TEX14: variants seen among roughly 807,000 people sequenced by gnomAD.
TEX14 encodes testis expressed 14, intercellular bridge forming factor.
Under a neutral mutation model 178.6 loss-of-function variants are expected in TEX14, and 168 were observed. The ratio of observed to expected loss-of-function variants is 0.94; its 90% CI spans 0.83 to 1.07. TEX14 has a LOEUF of 1.07. TEX14 is among the 50% of genes least tolerant of loss of function. The probability of loss-of-function intolerance (pLI) is 0.00; values close to 1 mark genes in which losing one functional copy is unlikely to be tolerated. For missense variants in TEX14, 1,730 were observed against 1,753.6 expected (o/e 0.99, Z 0.24); for synonymous variants, 626 against 634.1 (o/e 0.99, Z 0.19).
At chr17:58,648,719 C>G (rs2046769055) in intron 2 of TEX14, among the ~76,000 whole-genome samples, 1 of 150,980 alleles carries the variant, frequency 6.6e-6, no homozygotes, top group Non-Finnish European at 1.5e-5. Context: ...TGAAGGGCCT[C>G]TTGTCTTGAG....
At chr17:58,682,394 A>G (rs1284237627) in intron 1 of TEX14, among the ~76,000 whole-genome samples, 11 of 152,088 alleles carry the variant, frequency 7.2e-5, no homozygotes, top group African/African-American at 2.7e-4. Flanking sequence ...AGTAGCTGGA[A>G]TTACAAGCAC....
chr17:58,602,685 A>C (rs1025118186), intron 11 of TEX14, 95 bp from the exon 12 acceptor site: 13 of 914,318 alleles, frequency 1.4e-5, no homozygotes, highest in Non-Finnish European at 2.1e-5. Context: ...ACCTTAGGCA[A>C]GTCACTTAAC....
chr17:58,582,393 G>A (rs2044842498), intron 19 of TEX14, among the ~76,000 whole-genome samples: 1 of 151,914 alleles, frequency 6.6e-6, no homozygotes, highest in Non-Finnish European at 1.5e-5. Flanking sequence ...CTGAGTAGCT[G>A]GGACTATAGG....
At chr17:58,562,909 A>G (rs113689249) in intron 28 of TEX14, among the ~76,000 whole-genome samples, 28,039 of 151,748 alleles carry the variant, frequency 0.18, 2,768 homozygotes, top group Non-Finnish European at 0.21. Flanking sequence ...CCATCTCTAC[A>G]AAAAATACAA....
At chr17:58,689,249 GTC>G (rs1417093334) in intron 1 of TEX14, among the ~76,000 whole-genome samples, 1 of 150,402 alleles carries the variant, frequency 6.6e-6, no homozygotes, top group Non-Finnish European at 1.5e-5. Context: ...TTTAGAGGGA[GTC>G]TCTCTCTGTT....
At chr17:58,687,765 C>T (rs1357351143) in intron 1 of TEX14, among the ~76,000 whole-genome samples, 1 of 152,158 alleles carries the variant, frequency 6.6e-6, no homozygotes, top group African/African-American at 2.4e-5. Flanking sequence ...GAAAATGTCT[C>T]GTTATTGGAA....
intron 14 of TEX14, among the ~76,000 whole-genome samples, chr17:58,594,550 A>G (rs1234406679): frequency 6.6e-6 from 1 of 151,770 alleles, no homozygotes; most frequent in Non-Finnish European, 1.5e-5. Context: ...ACGTGGTTTC[A>G]CCATGTTGGC....
intron 21 of TEX14, among the ~76,000 whole-genome samples, chr17:58,575,172 T>A (rs2044647174): frequency 6.6e-6 from 1 of 150,466 alleles, no homozygotes. Context: ...TGGAGTGCAA[T>A]GGCGCGATCT....
intron 21 of TEX14, among the ~76,000 whole-genome samples, chr17:58,576,260 T>C (rs767290843): frequency 1.3e-5 from 2 of 152,114 alleles, no homozygotes; most frequent in Non-Finnish European, 2.9e-5. Flanking sequence ...CCGAGGCAGG[T>C]GGATCACCTG....
rs1227721056 is a variant in TEX14 at position 58,599,286 on chromosome 17, CTG to C, written c.2057_2058del (p.Thr686ArgfsTer5). 6.2e-7 allele frequency: 1 copy of C among 1,613,424 alleles called. No individual in the cohort carries two copies. Among genetic ancestry groups the C allele is most frequent in the Admixed American group, 1.7e-5 (1 of 60,004 alleles). ...SEDESSSKAETEYSFDDWDWQ... is the reference protein window; with the variant it reads ...SEDESSSKAEXEYSFDDWDWQ... The stretch of plus-strand genomic sequence containing the variant: ...CAGTCCCAGTCATCAAAAGAGTACT[CTG>C]TCTCAGCTTTTGAAGAGCTCTCATC... On this transcript the variant is annotated frameshift_variant, in exon 14 of 32. Coordinates refer to ENST00000349033, the MANE Select transcript of TEX14 (RefSeq NM_031272.5). LOFTEE classifies it high-confidence loss of function.
At chr17:58,678,186 G>A (rs1321260053) in intron 1 of TEX14, among the ~76,000 whole-genome samples, 1 of 152,102 alleles carries the variant, frequency 6.6e-6, no homozygotes, top group Non-Finnish European at 1.5e-5. Flanking sequence ...AGATGTGATT[G>A]ATTTAAGATG....
intron 1 of TEX14, among the ~76,000 whole-genome samples, chr17:58,683,640 G>A (rs757823704): frequency 5.9e-5 from 9 of 151,564 alleles, no homozygotes; most frequent in East Asian, 1.9e-4. Context: ...GCTCACGCCC[G>A]TAATCCCAGC....
intron 24 of TEX14, 32 bp downstream of exon 24, chr17:58,571,889 A>G (rs2044538517): frequency 6.3e-7 from 1 of 1,599,430 alleles, no homozygotes; most frequent in African/African-American, 1.3e-5. Context: ...GGCTGACTCC[A>G]TGAGTTTGTA....
chr17:58,573,680 G>A (rs1328032941), intron 22 of TEX14, among the ~76,000 whole-genome samples: 1 of 151,924 alleles, frequency 6.6e-6, no homozygotes, highest in East Asian at 1.9e-4. Flanking sequence ...CACCATGCCT[G>A]GCTAATTTTA....
At chr17:58,637,528 C>T (rs76791342) in intron 2 of TEX14, among the ~76,000 whole-genome samples, 2,470 of 152,268 alleles carry the variant, frequency 0.016, 38 homozygotes, top group South Asian at 0.042. Context: ...ATCTACCATA[C>T]CTACGTAATG....
At chr17:58,584,421 TCATAACA>T in intron 19 of TEX14, 72 bp downstream of exon 19, 1 of 1,045,412 alleles carries the variant, frequency 9.6e-7, no homozygotes, top group Admixed American at 1.7e-5. Flanking sequence ...TATTTTGGTG[TCATAACA>T]CATAACAATA....
chr17:58,669,256 G>A (rs1173807906), intron 1 of TEX14, among the ~76,000 whole-genome samples: 3 of 152,028 alleles, frequency 2.0e-5, no homozygotes, highest in South Asian at 2.1e-4. Flanking sequence ...GGAGGCTGAG[G>A]CAGAAGAATG....
At chr17:58,684,862 G>C (rs889801808) in intron 1 of TEX14, among the ~76,000 whole-genome samples, 3 of 151,880 alleles carry the variant, frequency 2.0e-5, no homozygotes, top group Non-Finnish European at 4.4e-5. Flanking sequence ...TGTAATCTCA[G>C]CTACTCAAGA....
chr17:58,607,707 G>T (rs1194647311), intron 10 of TEX14, among the ~76,000 whole-genome samples: 1 of 152,204 alleles, frequency 6.6e-6, no homozygotes, highest in Non-Finnish European at 1.5e-5. Context: ...ATAGCAGATG[G>T]CGATCCATCA....
Sources: allele counts gnomAD v4.1 joint callset (sites outside exome capture counted in the v4.1 genomes callset), GRCh38; gene constraint gnomAD v4.1.1; transcripts MANE v1.5; gene names NCBI Gene and HGNC (gene_info 2026-07-23, HGNC 2026-07-21).